Variants in GABRB3 observed in about 807,000 individuals in gnomAD.
GABRB3 encodes gamma-aminobutyric acid receptor subunit beta-3.
Under a neutral mutation model 52.1 loss-of-function variants are expected in GABRB3, and 14 were observed. The observed-to-expected ratio is 0.27, with a 90% CI of 0.18 to 0.42. The LOEUF (loss-of-function observed/expected upper bound fraction) is 0.42. GABRB3 is among the 10% of genes least tolerant of loss of function. GABRB3 has a pLI of 1.00. For synonymous variants in GABRB3, 260 were observed against 232.3 expected (o/e 1.12, Z -1.08); for missense variants, 307 against 609.1 (o/e 0.50, Z 5.22).
intron 3 of GABRB3, among the ~76,000 whole-genome samples, chr15:26,740,784 C>A (rs549268434): frequency 6.6e-6 from 1 of 152,270 alleles, no homozygotes; most frequent in South Asian, 2.1e-4. Flanking sequence ...TCCAGGACAG[C>A]CTTGGCCACT....
rs142727785 is a variant in GABRB3 at position 26,760,222 on chromosome 15, G to A, written c.240+12180C>T. ...CACATGCAGTATCAAATGACAAGAA[G>A]CTGTGGTCTGTGTAAAGCAAATAGA... On this transcript the variant is annotated intron_variant, in intron 3 of 8. Transcript: ENST00000311550. 1.6e-4 allele frequency among the ~76,000 whole-genome samples: 24 copies of A among 152,274 alleles called. No homozygotes were observed. In the East Asian group the frequency reaches 4.1e-3, roughly 26 times the overall value.
At chr15:26,673,483 C>T (rs1887961695) in intron 3 of GABRB3, among the ~76,000 whole-genome samples, 1 of 152,174 alleles carries the variant, frequency 6.6e-6, no homozygotes. Flanking sequence ...TTCGCTTCAT[C>T]CCCTAAGGTA....
intron 3 of GABRB3, among the ~76,000 whole-genome samples, chr15:26,750,818 C>T (rs1428781895): frequency 6.6e-6 from 1 of 152,112 alleles, no homozygotes; most frequent in East Asian, 1.9e-4. Context: ...CAAGGCAATG[C>T]TGTTATATTG....
At chr15:26,740,627 C>A (rs1245579707) in intron 3 of GABRB3, among the ~76,000 whole-genome samples, 1 of 152,178 alleles carries the variant, frequency 6.6e-6, no homozygotes, top group African/African-American at 2.4e-5. Flanking sequence ...CCCCAGGAAG[C>A]CTCCCTGTCT....
intron 3 of GABRB3, among the ~76,000 whole-genome samples, chr15:26,748,223 G>C (rs1890403859): frequency 6.6e-6 from 1 of 151,942 alleles, no homozygotes. Flanking sequence ...TGTAATACTG[G>C]TTTCGTAAAA....
rs755047395 is a variant in GABRB3, at chr15:26,621,275, C to T, written c.461+39G>A. On this transcript the variant is annotated intron_variant, in intron 4 of 8. Coordinates refer to ENST00000311550, the MANE Select transcript of GABRB3 (RefSeq NM_000814.6). The surrounding 1 kb of genome is among the most constrained non-coding windows in gnomAD (Gnocchi z 4.1). ...AGTGAGATATTCAACACCCATGCACCATGCAACAGCAAAATTGGTCCTGAA... is the reference window on the plus strand; with the variant it reads ...AGTGAGATATTCAACACCCATGCACTATGCAACAGCAAAATTGGTCCTGAA... The T allele has an allele frequency of 1.3e-5, 20 of 1,507,924 alleles. No homozygotes were observed. The highest frequency in any genetic ancestry group is 1.8e-5 in the Non-Finnish European group (20 of 1,084,900). The allele number at this position is 1,507,924 out of a possible 1,614,324, so 93.4% of individuals were successfully genotyped here.
At chr15:26,721,859 C>T (rs1368298743) in intron 3 of GABRB3, among the ~76,000 whole-genome samples, 4 of 151,918 alleles carry the variant, frequency 2.6e-5, no homozygotes, top group African/African-American at 9.7e-5. Flanking sequence ...AACTTCATTG[C>T]TCCCAGAGGA....
At chr15:26,743,659 T>C (rs1453151658) in intron 3 of GABRB3, among the ~76,000 whole-genome samples, 1 of 152,172 alleles carries the variant, frequency 6.6e-6, no homozygotes. Context: ...GTATGTTTTG[T>C]TACTCAGCAA....
chr15:26,737,287 TGGAAAACA>T (rs11279601), intron 3 of GABRB3, among the ~76,000 whole-genome samples: 5,323 of 152,298 alleles, frequency 0.035, 90 homozygotes, highest in Middle Eastern at 0.082. Flanking sequence ...AGACTGAGCA[TGGAAAACA>T]AGAGGACTGC....
intron 4 of GABRB3, chr15:26,613,759 A>T (rs1166990588): frequency 6.6e-6 from 1 of 152,222 alleles, no homozygotes; most frequent in Non-Finnish European, 1.5e-5. Context: ...TAAACTGACA[A>T]GATAATGTCA....
chr15:26,713,401 A>T (rs897186951), intron 3 of GABRB3, among the ~76,000 whole-genome samples: 14 of 152,050 alleles, frequency 9.2e-5, no homozygotes, highest in South Asian at 2.1e-4. Context: ...CGCACAGGAG[A>T]GGGGAGACCC....
At chr15:26,633,251 A>G (rs1892957060) in intron 3 of GABRB3, among the ~76,000 whole-genome samples, 1 of 152,210 alleles carries the variant, frequency 6.6e-6, no homozygotes, top group Non-Finnish European at 1.5e-5. Flanking sequence ...CTTTGAAATT[A>G]TAAATTAAAA....
Position 26,545,817 on chromosome 15 carries a change from C to T in GABRB3, c.*1976G>A, listed in dbSNP as rs1430247280. 6.6e-6 allele frequency: 1 copy of T among 152,350 alleles called. No homozygotes were observed. The highest frequency in any genetic ancestry group is 1.5e-5 in the Non-Finnish European group (1 of 68,002). 9.4% of individuals were successfully genotyped at this position (152,350 alleles called of 1,614,324 possible). ...GGCTAGTCTCCAGATGAAAATAAAACCAGAGAGCAGCGATTAGGAGGAAAA... is the reference window on the plus strand; with the variant it reads ...GGCTAGTCTCCAGATGAAAATAAAATCAGAGAGCAGCGATTAGGAGGAAAA... On this transcript the variant is annotated 3_prime_UTR_variant, in exon 9 of 9. Transcript: ENST00000311550.
At chr15:26,719,164 G>A (rs1422148718) in intron 3 of GABRB3, among the ~76,000 whole-genome samples, 1 of 152,256 alleles carries the variant, frequency 6.6e-6, no homozygotes, top group Non-Finnish European at 1.5e-5. Flanking sequence ...CAAGCTCCTG[G>A]TCTTCGCTCT....
intron 3 of GABRB3, among the ~76,000 whole-genome samples, chr15:26,717,532 C>G (rs1889528611): frequency 6.6e-6 from 1 of 152,194 alleles, no homozygotes; most frequent in South Asian, 2.1e-4. Flanking sequence ...AGATGCTACC[C>G]TGAATTCTCC....
chr15:26,554,778 CA>C (rs939662510), intron 8 of GABRB3, among the ~76,000 whole-genome samples: 5 of 152,154 alleles, frequency 3.3e-5, no homozygotes, highest in African/African-American at 1.2e-4. Flanking sequence ...GCCATTTTCA[CA>C]AGTATAAAGC....
chr15:26,686,296 C>G (rs911416748), intron 3 of GABRB3, among the ~76,000 whole-genome samples: 2 of 152,080 alleles, frequency 1.3e-5, no homozygotes, highest in African/African-American at 4.8e-5. Flanking sequence ...TAAAAATGAC[C>G]ACCAACTATT....
At chr15:26,713,926 G>A (rs1194469407) in intron 3 of GABRB3, among the ~76,000 whole-genome samples, 8 of 152,198 alleles carry the variant, frequency 5.3e-5, no homozygotes, top group South Asian at 2.1e-4. Context: ...GAGGTTGAAC[G>A]GCCACATGTT....
intron 3 of GABRB3, among the ~76,000 whole-genome samples, chr15:26,712,931 T>C (rs1889348318): frequency 6.6e-6 from 1 of 152,170 alleles, no homozygotes. Flanking sequence ...CACACTGGGC[T>C]GCAGGCTTCG....
Sources: allele counts gnomAD v4.1 joint callset (sites outside exome capture counted in the v4.1 genomes callset), GRCh38; gene constraint gnomAD v4.1.1; non-coding constraint Gnocchi (gnomAD v3.1); transcripts MANE v1.5; gene names NCBI Gene and HGNC (gene_info 2026-07-23, HGNC 2026-07-21).